Variants in CHEK1 observed in about 807,000 individuals in gnomAD.
The protein encoded by CHEK1 is serine/threonine-protein kinase Chk1.
A neutral mutation model predicts 60.2 loss-of-function variants in CHEK1; 32 were observed. The observed-to-expected ratio is 0.53, with a 90% CI of 0.40 to 0.71. CHEK1 has a LOEUF of 0.71. CHEK1 is among the 30% of genes least tolerant of loss of function. The pLI, the probability that CHEK1 is intolerant of heterozygous loss-of-function variation, is 0.00. For missense variants in CHEK1, 399 were observed against 564.6 expected (o/e 0.71, Z 2.97); for synonymous variants, 179 against 187.2 (o/e 0.96, Z 0.36).
intron 11 of CHEK1, 49 bp downstream of exon 11, chr11:125,644,692 A>ATATT: frequency 6.3e-7 from 1 of 1,578,576 alleles, no homozygotes; most frequent in Non-Finnish European, 8.7e-7. Context: ...AAGAATTTAA[A>ATATT]TATTTGAGTA....
intron 13 of CHEK1, among the ~76,000 whole-genome samples, chr11:125,673,880 C>A (rs548421111): frequency 1.3e-5 from 2 of 152,070 alleles, no homozygotes; most frequent in Admixed American, 1.3e-4. Flanking sequence ...AACATTTGGC[C>A]GGGCACAGTG....
At chr11:125,659,956 T>G (rs1360156884), downstream of CHEK1, among the ~76,000 whole-genome samples, 1 of 152,230 alleles carries the variant, frequency 6.6e-6, no homozygotes, top group Non-Finnish European at 1.5e-5. Flanking sequence ...ATAAATAGAA[T>G]TGGATAATAC....
At chr11:125,626,383 A>T (rs3731394) in intron 1 of CHEK1, 35,597 of 429,908 alleles carry the variant, frequency 0.083, 2,443 homozygotes, top group African/African-American at 0.25. Flanking sequence ...TCTGCCCCAT[A>T]CCGCTCCCTA....
At chr11:125,626,857 C>G in intron 2 of CHEK1, 24 bp downstream of exon 2, 1 of 1,612,730 alleles carries the variant, frequency 6.2e-7, no homozygotes, top group Non-Finnish European at 8.5e-7. Flanking sequence ...AGCTTGCCTT[C>G]GTTTTCTGAG....
intron 13 of CHEK1, among the ~76,000 whole-genome samples, chr11:125,669,966 A>G (rs1156998118): frequency 6.6e-6 from 1 of 152,102 alleles, no homozygotes; most frequent in African/African-American, 2.4e-5. Context: ...TCTCTTTCCT[A>G]TTCTCAACTG....
At chr11:125,637,337 AG>A in intron 7 of CHEK1, 111 bp from the exon 8 acceptor site, 1 of 680,962 alleles carries the variant, frequency 1.5e-6, no homozygotes, top group East Asian at 3.0e-5. Context: ...TCTCTTCCCC[AG>A]GAATAATATT....
At chr11:125,677,866 C>T, downstream of CHEK1, 1 of 1,614,020 alleles carries the variant, frequency 6.2e-7, no homozygotes, top group Non-Finnish European at 8.5e-7. Context: ...GAAGGCTGTT[C>T]ACCCGAGGCC....
At chr11:125,665,313 C>T (rs1488197112) in intron 13 of CHEK1, among the ~76,000 whole-genome samples, 1 of 150,034 alleles carries the variant, frequency 6.7e-6, no homozygotes, top group Admixed American at 6.7e-5. Flanking sequence ...ACTACCCTTA[C>T]ATCCCTAGGA....
intron 13 of CHEK1, among the ~76,000 whole-genome samples, chr11:125,669,273 T>G (rs903982966): frequency 1.3e-5 from 2 of 152,212 alleles, no homozygotes; most frequent in African/African-American, 4.8e-5. Flanking sequence ...ATGTGTTACC[T>G]TCGCTTTTGA....
intron 9 of CHEK1, 83 bp from the exon 10 acceptor site, chr11:125,644,008 A>G (rs905098120): frequency 2.0e-6 from 3 of 1,538,294 alleles, no homozygotes; most frequent in African/African-American, 2.8e-5. Flanking sequence ...TACTGTAAGC[A>G]TGAGAACTTG....
intron 13 of CHEK1, chr11:125,672,706 G>C: frequency 1.2e-6 from 2 of 1,614,078 alleles, no homozygotes; most frequent in East Asian, 4.5e-5. Context: ...ACCATGAATT[G>C]GAGTTTTCCA....
chr11:125,658,670 G>T (rs1744594072), downstream of CHEK1, among the ~76,000 whole-genome samples: 1 of 123,610 alleles, frequency 8.1e-6, no homozygotes, highest in Non-Finnish European at 1.7e-5. Flanking sequence ...CTTCTTAAAA[G>T]CTTCATGGCT....
chr11:125,680,728 C>A (rs376732937), downstream of CHEK1: 1 of 1,613,380 alleles, frequency 6.2e-7, no homozygotes, highest in Non-Finnish European at 8.5e-7. Flanking sequence ...CAAACACTCA[C>A]CTCTGGCAGA....
intron 2 of CHEK1, 65 bp downstream of exon 2, chr11:125,626,898 C>A: frequency 6.6e-7 from 1 of 1,517,380 alleles, no homozygotes; most frequent in Non-Finnish European, 9.1e-7. Context: ...GTCTCACACT[C>A]TGGTGATTTA....
chr11:125,629,486 T>A, intron 5 of CHEK1, 26 bp downstream of exon 5: 1 of 1,401,916 alleles, frequency 7.1e-7, no homozygotes, highest in Non-Finnish European at 9.9e-7. Flanking sequence ...TATCACTACC[T>A]AAAATAAAAT....
intron 2 of CHEK1, among the ~76,000 whole-genome samples, 170 bp downstream of exon 2, chr11:125,627,003 A>C (rs968261306): frequency 4.6e-5 from 7 of 152,100 alleles, no homozygotes; most frequent in Non-Finnish European, 1.0e-4. Context: ...TAAAAAAAAA[A>C]GTTTTCTTTG....
chr11:125,640,539 C>CA (rs35982773), intron 8 of CHEK1, among the ~76,000 whole-genome samples: 22,338 of 99,894 alleles, frequency 0.22, 1,795 homozygotes, highest in East Asian at 0.26. Context: ...GACTCCGTCT[C>CA]AAAAAAAAAA....
chr11:125,631,861 C>CAAA (rs57281904), intron 5 of CHEK1, among the ~76,000 whole-genome samples: 16 of 51,354 alleles, frequency 3.1e-4, no homozygotes, highest in East Asian at 7.2e-4. Context: ...GACACTTTCT[C>CAAA]AAAAAAAAAA....
chr11:125,679,239 A>G (rs1942685155), downstream of CHEK1, among the ~76,000 whole-genome samples: 3 of 42,868 alleles, frequency 7.0e-5, no homozygotes, highest in South Asian at 1.7e-3. Flanking sequence ...TGTTTCAAAG[A>G]TAGAGTCTCG....
Sources: allele counts gnomAD v4.1 joint callset (sites outside exome capture counted in the v4.1 genomes callset), GRCh38; gene constraint gnomAD v4.1.1; transcripts MANE v1.5; gene names NCBI Gene and HGNC (gene_info 2026-07-23, HGNC 2026-07-21).